Variants in TOMM20L observed in about 807,000 individuals in gnomAD.
TOMM20L encodes TOMM20-like protein 1.
In TOMM20L, 19 loss-of-function variants were observed where a neutral mutation model predicts 20.4. The observed-to-expected ratio is 0.93, with a 90% CI of 0.65 to 1.36. The LOEUF (loss-of-function observed/expected upper bound fraction) is 1.36. Among genes scored for constraint, TOMM20L ranks in the 40% most tolerant of loss-of-function variants. The pLI is 0.00. For synonymous variants in TOMM20L, 75 were observed against 79.6 expected (o/e 0.94, Z 0.30); for missense variants, 218 against 203.7 (o/e 1.07, Z -0.43).
chr14:58,415,919 G>C, the TOMM20L span, among the ~76,000 whole-genome samples: 1 of 152,012 alleles, frequency 6.6e-6, no homozygotes, highest in Non-Finnish European at 1.5e-5. Flanking sequence ...TCAAACATCT[G>C]AAAACTAAAG....
intron 4 of TOMM20L, 177 bp from the exon 5 acceptor site, chr14:58,408,352 G>C (rs999291979): frequency 8.7e-6 from 5 of 576,900 alleles, no homozygotes; most frequent in Non-Finnish European, 1.5e-5. Context: ...GGGAGGTGGA[G>C]GTTGCAGTGA....
rs2036075947 is a variant in TOMM20L at position 58,407,368 on chromosome 14, T to C, written c.305T>C (p.Leu102Ser). The C allele has an allele frequency of 1.2e-6, 2 of 1,613,428 alleles. No homozygotes were observed. Among genetic ancestry groups the C allele is most frequent in the Non-Finnish European group, 1.7e-6 (2 of 1,179,810 alleles). ...ATTCAACACCTCGGCAATGCCCTTT[T>C]AGTGTGCGAGCAACCACGGGAACTT... is the stretch of plus-strand genomic sequence containing the variant. ...MGIQHLGNAL[L>S]VCEQPRELLK... Residue 102 changes from leucine (L) to serine (S), a missense_variant, in exon 4 of 5, where the codon TTA becomes TCA. Coordinates refer to ENST00000360945, the MANE Select transcript of TOMM20L (RefSeq NM_207377.3).
intron 4 of TOMM20L, 137 bp from the exon 5 acceptor site, chr14:58,408,392 G>A (rs371332500): frequency 5.7e-6 from 4 of 706,888 alleles, no homozygotes; most frequent in African/African-American, 5.5e-5. Flanking sequence ...ACTCCATCCT[G>A]GGTGACGAAA....
At chr14:58,410,058 A>ATGAG (rs1283584386), downstream of TOMM20L, among the ~76,000 whole-genome samples, 1 of 151,216 alleles carries the variant, frequency 6.6e-6, no homozygotes, top group Non-Finnish European at 1.5e-5. Flanking sequence ...TTTAGTAGAG[A>ATGAG]TGAGGGCTGG....
chr14:58,413,420 T>TTGA (rs1218268704), downstream of TOMM20L, among the ~76,000 whole-genome samples: 1 of 152,184 alleles, frequency 6.6e-6, no homozygotes, highest in African/African-American at 2.4e-5. Context: ...TCATGAAGGA[T>TTGA]ATTCAGAGTT....
intron 1 of TOMM20L, 62 bp from the exon 2 acceptor site, chr14:58,396,236 C>T: frequency 1.2e-6 from 2 of 1,604,654 alleles, no homozygotes; most frequent in Admixed American, 3.4e-5. Context: ...GGCAGGACCA[C>T]TGGGCCCACG....
At chr14:58,404,099 G>GTGTATATATATA (rs1408980666) in intron 3 of TOMM20L, among the ~76,000 whole-genome samples, 1 of 22,928 alleles carries the variant, frequency 4.4e-5, no homozygotes, top group African/African-American at 1.3e-4. Context: ...ACATATATAT[G>GTGTATATATATA]TATATATATA....
At chr14:58,410,581 T>A (rs2036183304), downstream of TOMM20L, among the ~76,000 whole-genome samples, 1 of 152,182 alleles carries the variant, frequency 6.6e-6, no homozygotes, top group Non-Finnish European at 1.5e-5. Flanking sequence ...TTAGTAAGAA[T>A]CTTTGTTGTG....
the TOMM20L span, among the ~76,000 whole-genome samples, chr14:58,414,817 A>T: frequency 6.6e-6 from 1 of 152,022 alleles, no homozygotes; most frequent in South Asian, 2.1e-4. Context: ...TTTCCTTCGT[A>T]TGCACAGAAA....
chr14:58,416,260 A>G, the TOMM20L span, among the ~76,000 whole-genome samples: 10 of 152,188 alleles, frequency 6.6e-5, no homozygotes, highest in African/African-American at 2.4e-4. Context: ...AAATAAAATA[A>G]AAAATAAAGA....
downstream of TOMM20L, chr14:58,408,981 A>G: frequency 6.3e-7 from 1 of 1,586,316 alleles, no homozygotes; most frequent in Non-Finnish European, 8.5e-7. Flanking sequence ...CCTCATTTCC[A>G]ATAAAGCAGC....
chr14:58,396,254 C>G (rs1201304394), intron 1 of TOMM20L, 44 bp from the exon 2 acceptor site: 43 of 1,610,768 alleles, frequency 2.7e-5, no homozygotes, highest in Non-Finnish European at 3.6e-5. Flanking sequence ...ACGCGTGCCT[C>G]TGGACGGGCC....
intron 2 of TOMM20L, chr14:58,398,649 A>G (rs906124288): frequency 3.3e-5 from 5 of 151,856 alleles, no homozygotes; most frequent in African/African-American, 4.8e-5. Flanking sequence ...TCATATGGGA[A>G]ATAATAAATG....
At chr14:58,410,305 G>T (rs1198343561), downstream of TOMM20L, among the ~76,000 whole-genome samples, 1 of 151,938 alleles carries the variant, frequency 6.6e-6, no homozygotes, top group Non-Finnish European at 1.5e-5. Context: ...GAACTCCTGG[G>T]CTCAAGTGAT....
downstream of TOMM20L, among the ~76,000 whole-genome samples, chr14:58,409,724 G>C (rs2036150692): frequency 6.6e-6 from 1 of 151,596 alleles, no homozygotes; most frequent in African/African-American, 2.4e-5. Flanking sequence ...GACTACAGGT[G>C]CCTGCCACCA....
chr14:58,405,085 C>T (rs1473841917), intron 3 of TOMM20L, among the ~76,000 whole-genome samples: 2 of 151,970 alleles, frequency 1.3e-5, no homozygotes, highest in African/African-American at 4.8e-5. Flanking sequence ...TCTCCGGCCT[C>T]AGCCTCCTAA....
chr14:58,403,814 G>A (rs954927422), intron 3 of TOMM20L, among the ~76,000 whole-genome samples: 2 of 151,612 alleles, frequency 1.3e-5, no homozygotes, highest in East Asian at 3.9e-4. Flanking sequence ...CTCCAGCCTG[G>A]GCGACAGAGC....
intron 2 of TOMM20L, among the ~76,000 whole-genome samples, chr14:58,399,214 C>T (rs1171055850): frequency 6.6e-6 from 1 of 152,158 alleles, no homozygotes. Context: ...ATGAATAAAC[C>T]AAAGCAGATA....
At chr14:58,414,410 C>G in the TOMM20L span, among the ~76,000 whole-genome samples, 3 of 152,022 alleles carry the variant, frequency 2.0e-5, no homozygotes, top group African/African-American at 7.2e-5. Context: ...TCAACCATAC[C>G]TATACTTTCC....
Sources: gnomAD v4.1 joint callset for allele counts (sites outside exome capture counted in the v4.1 genomes callset) on GRCh38, gnomAD v4.1.1 for gene constraint, MANE v1.5 for transcripts, NCBI Gene and HGNC (gene_info 2026-07-23, HGNC 2026-07-21) for gene names.